Variants in TMEM200A observed in about 807,000 individuals in gnomAD.
TMEM200A encodes transmembrane protein 200A.
Under a neutral mutation model 24.3 loss-of-function variants are expected in TMEM200A, and 12 were observed. The ratio of observed to expected loss-of-function variants is 0.49; its 90% CI spans 0.32 to 0.80. The LOEUF is 0.80. TMEM200A is among the 30% of genes least tolerant of loss of function. The pLI is 0.04. For synonymous variants in TMEM200A, 224 were observed against 224.4 expected (o/e 1.00, Z 0.02); for missense variants, 545 against 614.4 (o/e 0.89, Z 1.19).
At chr6:130,384,184 T>A (rs1390846926) in intron 1 of TMEM200A, among the ~76,000 whole-genome samples, 1 of 152,208 alleles carries the variant, frequency 6.6e-6, no homozygotes, top group Non-Finnish European at 1.5e-5. Flanking sequence ...TCAGTTGTTG[T>A]TAGTCTTTTA....
intron 1 of TMEM200A, among the ~76,000 whole-genome samples, chr6:130,374,516 A>G (rs192427525): frequency 6.6e-6 from 1 of 151,990 alleles, no homozygotes; most frequent in Non-Finnish European, 1.5e-5. Flanking sequence ...CTCAGGTTCA[A>G]GCGATTTTCC....
chr6:130,372,391 A>G lies in TMEM200A; in HGVS notation c.-81+5867A>G, dbSNP rs542791825. On this transcript the variant is annotated intron_variant, in intron 1 of 2. Transcript: ENST00000296978. ...TTTTTCCCCTCAGTACAGGATCTCT[A>G]TCATTATGCAGGGTAGATACGTCAG... Among the ~76,000 whole-genome samples the G allele has an allele frequency of 4.6e-5, 7 of 152,294 alleles. No individual in the cohort carries two copies. In the South Asian group the frequency reaches 1.0e-3, roughly 23 times the overall value.
At chr6:130,432,922 AG>A (rs1187875445) in intron 2 of TMEM200A, among the ~76,000 whole-genome samples, 1 of 152,126 alleles carries the variant, frequency 6.6e-6, no homozygotes, top group Non-Finnish European at 1.5e-5. Flanking sequence ...TTAAGTATTA[AG>A]GGCTGTGTAG....
At chr6:130,365,871 G>A (rs6930137), upstream of TMEM200A, 144,002 of 985,462 alleles carry the variant, frequency 0.15, 11,201 homozygotes, top group East Asian at 0.38. Context: ...GCAGGACTGG[G>A]GTTTCCCACA....
chr6:130,418,000 G>T (rs1779498023), intron 2 of TMEM200A, among the ~76,000 whole-genome samples: 1 of 152,152 alleles, frequency 6.6e-6, no homozygotes, highest in Admixed American at 6.5e-5. Flanking sequence ...CATGAATTGG[G>T]CAGGAAAAGA....
At chr6:130,405,273 T>G (rs1209631350) in intron 2 of TMEM200A, among the ~76,000 whole-genome samples, 1 of 152,222 alleles carries the variant, frequency 6.6e-6, no homozygotes, top group East Asian at 1.9e-4. Context: ...TGATATTGAT[T>G]CTTTCTGTTC....
intron 1 of TMEM200A, among the ~76,000 whole-genome samples, chr6:130,370,804 G>T (rs181612796): frequency 6.6e-6 from 1 of 152,224 alleles, no homozygotes; most frequent in African/African-American, 2.4e-5. Context: ...CCAGCCCAGA[G>T]ATTTTGTTTC....
At chr6:130,399,667 AATTT>A (rs1279142664) in intron 2 of TMEM200A, among the ~76,000 whole-genome samples, 4 of 149,762 alleles carry the variant, frequency 2.7e-5, no homozygotes, top group Non-Finnish European at 5.9e-5. Flanking sequence ...TTTATATTCA[AATTT>A]ATTTATTATT....
intron 2 of TMEM200A, among the ~76,000 whole-genome samples, chr6:130,400,046 TCATATATATATACATACACACA>T (rs1368733583): frequency 2.0e-5 from 3 of 151,802 alleles, no homozygotes; most frequent in African/African-American, 7.3e-5. Context: ...TAGTATTCCA[TCATATATATATACATACACACA>T]CATATATATG....
chr6:130,383,661 AG>A (rs1212148963), intron 1 of TMEM200A, among the ~76,000 whole-genome samples: 4 of 152,220 alleles, frequency 2.6e-5, no homozygotes, highest in African/African-American at 9.6e-5. Flanking sequence ...GTTGGCATCA[AG>A]GTAAAAATGA....
intron 2 of TMEM200A, among the ~76,000 whole-genome samples, chr6:130,424,357 T>TGAG (rs1405481256): frequency 6.6e-6 from 1 of 152,192 alleles, no homozygotes; most frequent in African/African-American, 2.4e-5. Context: ...TAATATATAT[T>TGAG]GAGTTGCTAA....
In TMEM200A at chr6:130,440,650, T is replaced by G. The variant is rs9492593; in HGVS notation, c.228T>G (p.Ile76Met). The G allele has an allele frequency of 2.5e-6, 4 of 1,613,690 alleles. No homozygotes were observed. The highest frequency in any genetic ancestry group is 3.4e-6 in the Non-Finnish European group (4 of 1,179,706). The change falls in exon 3 of 3, where the codon ATT becomes ATG. Residue 76 changes from isoleucine (I) to methionine (M), a missense_variant. Ile to Met is a conservative substitution (Grantham distance 10). Coordinates refer to ENST00000296978, the MANE Select transcript of TMEM200A (RefSeq NM_001258277.2). ...ILGVLISIIG[I>M]AMAVLGYWPQ... ...GAGTGCTCATCTCCATTATAGGAAT[T>G]GCTATGGCCGTTCTTGGATATTGGC...
At position 130,441,160 on chromosome 6, in the gene TMEM200A, G is replaced by A. The variant is rs748017930; in HGVS notation, c.738G>A (p.Leu246=). 1.4e-5 allele frequency: 23 copies of A among 1,613,920 alleles called. No homozygotes were observed. Among genetic ancestry groups the A allele is most frequent in the Non-Finnish European group, 1.8e-5 (21 of 1,179,986 alleles). ...GKSSGHLMPP[L]LSDSSVSVFG... ...GTTCTGGGCATCTTATGCCCCCTTT[G>A]CTCTCTGACAGCTCTGTGTCTGTCT... Residue 246 remains leucine, a synonymous_variant, in exon 3 of 3, where the codon TTG becomes TTA. Coordinates refer to ENST00000296978, the MANE Select transcript of TMEM200A (RefSeq NM_001258277.2).
intron 1 of TMEM200A, among the ~76,000 whole-genome samples, chr6:130,378,722 C>CA (rs56819618): frequency 0.085 from 4,709 of 55,464 alleles, 152 homozygotes; most frequent in Non-Finnish European, 0.11. Flanking sequence ...GACTCCGTCT[C>CA]AAAAAAAAAA....
intron 2 of TMEM200A, among the ~76,000 whole-genome samples, chr6:130,428,942 A>G (rs1779810336): frequency 6.6e-6 from 1 of 152,190 alleles, no homozygotes; most frequent in African/African-American, 2.4e-5. Flanking sequence ...AGAAATATAC[A>G]ATACCAATTG....
chr6:130,375,368 A>G (rs954795025), intron 1 of TMEM200A, among the ~76,000 whole-genome samples: 4 of 151,952 alleles, frequency 2.6e-5, no homozygotes, highest in South Asian at 4.1e-4. Context: ...CTCTTATAAC[A>G]TGCGTTAAAA....
At position 130,440,962 on chromosome 6, in the gene TMEM200A, A is replaced by G. The variant is rs777999253; in HGVS notation, c.540A>G (p.Gln180=). The change falls in exon 3 of 3, where the codon CAA becomes CAG. Residue 180 remains glutamine (Q), a synonymous_variant. Transcript: ENST00000296978. ...IHTLRIKEQR[Q]MNGMYTGLMG... is the part of the protein sequence containing the mutation. ...CGCTAAGAATCAAGGAGCAAAGGCAAATGAACGGCATGTACACTGGTTTGA... is the reference window on the plus strand; with the variant it reads ...CGCTAAGAATCAAGGAGCAAAGGCAGATGAACGGCATGTACACTGGTTTGA... 2.5e-6 allele frequency: 4 copies of G among 1,613,996 alleles called. No homozygotes were observed.
At chr6:130,381,527 A>T (rs920619999) in intron 1 of TMEM200A, among the ~76,000 whole-genome samples, 1 of 152,226 alleles carries the variant, frequency 6.6e-6, no homozygotes. Context: ...GAGAAGTTGC[A>T]GAAAAACAAG....
chr6:130,427,142 G>A (rs1779763561), intron 2 of TMEM200A, among the ~76,000 whole-genome samples: 1 of 152,100 alleles, frequency 6.6e-6, no homozygotes, highest in Non-Finnish European at 1.5e-5. Flanking sequence ...TTACTCTTAT[G>A]TTCCAGGCTT....
Sources: gnomAD v4.1 joint callset for allele counts (sites outside exome capture counted in the v4.1 genomes callset) on GRCh38, gnomAD v4.1.1 for gene constraint, MANE v1.5 for transcripts, NCBI Gene and HGNC (gene_info 2026-07-23, HGNC 2026-07-21) for gene names.